Variants in RELN observed in about 807,000 individuals in gnomAD.
The protein encoded by RELN is reelin.
In RELN, 108 loss-of-function variants were observed where a neutral mutation model predicts 427.6. The observed-to-expected ratio is 0.25, with a 90% CI of 0.22 to 0.30. The LOEUF is 0.30. Ranked by LOEUF, RELN falls within the 10% of genes least tolerant of loss-of-function variation. RELN has a pLI of 1.00. For synonymous variants in RELN, 1,524 were observed against 1,513.4 expected, an observed-to-expected ratio of 1.01 and a Z score of -0.16; for missense variants, 3,715 against 4,302.8, an observed-to-expected ratio of 0.86 and a Z score of 3.82.
At chr7:103,744,503 C>T (rs7780986) in intron 6 of RELN, among the ~76,000 whole-genome samples, 82,397 of 151,718 alleles carry the variant, frequency 0.54, 22,691 homozygotes, top group African/African-American at 0.63. Context: ...ATCAACAAAA[C>T]TGATAGACCA....
chr7:103,636,365 T>C lies in RELN; in HGVS notation c.2173A>G (p.Asn725Asp). The C allele has an allele frequency of 6.2e-7, 1 of 1,613,858 alleles. No homozygotes were observed. Among genetic ancestry groups the C allele is most frequent in the Non-Finnish European group, 8.5e-7 (1 of 1,179,890 alleles). ...FGSSRLSSYH[N>D]FYSIRGAEVS... Reference sequence around the variant, plus strand: ...TCAGCACCACGGATAGAGTAAAAGTTATGGTAAGAGGAGAGCCTGGAACTG... The same window carrying C: ...TCAGCACCACGGATAGAGTAAAAGTCATGGTAAGAGGAGAGCCTGGAACTG... Residue 725 changes from asparagine to aspartate, a missense_variant, in exon 18 of 65, where the codon AAC becomes GAC. By Grantham distance (23) the Asn-to-Asp change is conservative (BLOSUM62 1). Around this residue, in one of 4 missense-constraint regions of RELN, gnomAD observed 2,208 missense variants for 2,361.7 expected, o/e 0.93. Coordinates refer to ENST00000428762, the MANE Select transcript of RELN (RefSeq NM_005045.4).
chr7:103,781,637 T>A (rs1791893201), intron 3 of RELN, among the ~76,000 whole-genome samples: 1 of 152,120 alleles, frequency 6.6e-6, no homozygotes, highest in African/African-American at 2.4e-5. Flanking sequence ...AAATTTTGTA[T>A]CTTTGACCAA....
chr7:103,698,830 T>C (rs1012280251), intron 9 of RELN, among the ~76,000 whole-genome samples: 8 of 152,144 alleles, frequency 5.3e-5, no homozygotes, highest in Middle Eastern at 3.2e-3. Context: ...GTGATCTTAA[T>C]GTTGGTTTTT....
At chr7:103,635,395 A>T (rs1268483005) in intron 19 of RELN, 30 bp downstream of exon 19, 4 of 1,611,286 alleles carry the variant, frequency 2.5e-6, no homozygotes, top group Non-Finnish European at 3.4e-6. Flanking sequence ...TTCACTCTAC[A>T]ACCATTTTTC....
chr7:103,898,071 AAC>A (rs1468726246), intron 2 of RELN, among the ~76,000 whole-genome samples: 1 of 152,082 alleles, frequency 6.6e-6, no homozygotes, highest in Non-Finnish European at 1.5e-5. Context: ...CATGTCAAAT[AAC>A]AGTTTCTTAA....
intron 60 of RELN, among the ~76,000 whole-genome samples, chr7:103,486,638 A>C (rs1828450811): frequency 6.6e-6 from 1 of 152,166 alleles, no homozygotes; most frequent in African/African-American, 2.4e-5. Context: ...TTATGTGGCC[A>C]ACAAACATAT....
intron 16 of RELN, among the ~76,000 whole-genome samples, chr7:103,645,234 A>G (rs1832774918): frequency 1.3e-5 from 2 of 151,862 alleles, no homozygotes; most frequent in African/African-American, 4.8e-5. Context: ...CTGCAAAGCA[A>G]CAAGATAACA....
chr7:103,728,316 A>G, intron 6 of RELN, 109 bp from the exon 7 acceptor site: 3 of 1,041,848 alleles, frequency 2.9e-6, no homozygotes, highest in Non-Finnish European at 2.9e-6. Context: ...TCAAATCACC[A>G]TTTTGAGGAA....
chr7:103,888,244 A>T (rs545233269), intron 2 of RELN, among the ~76,000 whole-genome samples: 2,316 of 116,726 alleles, frequency 0.02, 28 homozygotes, highest in Non-Finnish European at 0.024. Flanking sequence ...AAGAAAAAAA[A>T]ATATATATAT....
intron 1 of RELN, among the ~76,000 whole-genome samples, chr7:103,942,840 A>C (rs2116740635): frequency 6.6e-6 from 1 of 152,096 alleles, no homozygotes; most frequent in Middle Eastern, 3.4e-3. Context: ...TGAACCCAGG[A>C]GGTGGAGGTT....
chr7:103,954,324 G>C (rs1010756327), intron 1 of RELN, among the ~76,000 whole-genome samples: 5 of 152,126 alleles, frequency 3.3e-5, no homozygotes, highest in African/African-American at 1.2e-4. Context: ...GTCTTTTCTA[G>C]TTGCTAAGTA....
At chr7:103,587,958 C>A (rs1219610655) in intron 28 of RELN, among the ~76,000 whole-genome samples, 2 of 152,270 alleles carry the variant, frequency 1.3e-5, no homozygotes, top group Admixed American at 6.5e-5. Context: ...CTAGTACAGC[C>A]ACTGTGGAAA....
chr7:103,930,319 C>T (rs6972635), intron 1 of RELN, among the ~76,000 whole-genome samples: 64,166 of 151,654 alleles, frequency 0.42, 13,563 homozygotes, highest in South Asian at 0.52. Flanking sequence ...ATCCCAATGA[C>T]CTCATTTTAA....
At chr7:103,575,903 C>T (rs1830989685) in intron 28 of RELN, among the ~76,000 whole-genome samples, 198 bp from the exon 29 acceptor site, 1 of 151,890 alleles carries the variant, frequency 6.6e-6, no homozygotes, top group Admixed American at 6.6e-5. Context: ...TTTGAGACAG[C>T]ATCTTGCTCT....
intron 60 of RELN, 151 bp downstream of exon 60, chr7:103,489,590 CA>C: frequency 1.1e-6 from 1 of 905,204 alleles, no homozygotes; most frequent in South Asian, 1.5e-5. Flanking sequence ...TAATTTGTCC[CA>C]AAGTTAAAGA....
At chr7:103,683,812 A>G (rs962911509) in intron 10 of RELN, among the ~76,000 whole-genome samples, 3 of 152,184 alleles carry the variant, frequency 2.0e-5, no homozygotes, top group Admixed American at 1.3e-4. Flanking sequence ...CAAAGGAAGC[A>G]GCCATCCTTC....
At chr7:103,737,613 A>G (rs1790527185) in intron 6 of RELN, among the ~76,000 whole-genome samples, 1 of 152,214 alleles carries the variant, frequency 6.6e-6, no homozygotes, top group Non-Finnish European at 1.5e-5. Context: ...CAGTATTTCT[A>G]TACTATTTGT....
intron 9 of RELN, among the ~76,000 whole-genome samples, chr7:103,700,485 A>G (rs187031825): frequency 5.3e-5 from 8 of 152,162 alleles, no homozygotes; most frequent in Non-Finnish European, 1.0e-4. Flanking sequence ...ACTGGAGATT[A>G]GATGTAAAAG....
intron 1 of RELN, among the ~76,000 whole-genome samples, chr7:103,928,502 G>A (rs1795792992): frequency 6.6e-6 from 1 of 152,194 alleles, no homozygotes; most frequent in African/African-American, 2.4e-5. Context: ...TCCTGGGATA[G>A]ACCAACTACA....
Sources: allele counts gnomAD v4.1 joint callset (sites outside exome capture counted in the v4.1 genomes callset), GRCh38; gene constraint gnomAD v4.1.1; regional missense constraint gnomAD v4.1.1; transcripts MANE v1.5; gene names NCBI Gene and HGNC (gene_info 2026-07-23, HGNC 2026-07-21).